The following SLA2 variants were observed in gnomAD, a reference collection of about 807,000 sequenced individuals.
The protein encoded by SLA2 is Src like adaptor 2.
Under a neutral mutation model 27.3 loss-of-function variants are expected in SLA2, and 22 were observed. The observed-to-expected ratio is 0.81, with a 90% confidence interval of 0.58 to 1.15. The LOEUF (loss-of-function observed/expected upper bound fraction) is 1.15. Among genes scored for constraint, SLA2 ranks in the 50% most tolerant of loss-of-function variants. The probability of loss-of-function intolerance (pLI) is 0.00; values close to 1 mark genes in which losing one functional copy is unlikely to be tolerated. For missense variants in SLA2, 304 were observed against 322.2 expected (o/e 0.94, Z 0.43); for synonymous variants, 131 against 137.8 (o/e 0.95, Z 0.34).
At chr20:36,639,792 C>T (rs975843636) in intron 2 of SLA2, among the ~76,000 whole-genome samples, 3 of 150,936 alleles carry the variant, frequency 2.0e-5, no homozygotes, top group Non-Finnish European at 4.4e-5. Flanking sequence ...ACGCAGCAGG[C>T]GGAGCTTGCA....
chr20:36,645,581 A>C (rs529252921), intron 1 of SLA2, among the ~76,000 whole-genome samples: 6 of 152,174 alleles, frequency 3.9e-5, no homozygotes, highest in Non-Finnish European at 8.8e-5. Flanking sequence ...AGATGGGACT[A>C]GGACGGGCGT....
In SLA2 at chr20:36,626,701, G is replaced by A. The variant is rs1022027936; in HGVS notation, c.382+5894C>T. 9.9e-5 allele frequency among the ~76,000 whole-genome samples: 15 copies of A among 151,844 alleles called. No individual in the cohort carries two copies. The South Asian group carries it at 2.5e-3, about 25-fold the overall frequency. On this transcript the variant is annotated intron_variant, in intron 5 of 7. Coordinates refer to ENST00000262866, the MANE Select transcript of SLA2 (RefSeq NM_032214.4). ...TCTCTACTAATACAAAAAATTAGCCGGGTGTGGTGGCAGCCGCCTGTGGTC... is the reference window on the plus strand; with the variant it reads ...TCTCTACTAATACAAAAAATTAGCCAGGTGTGGTGGCAGCCGCCTGTGGTC...
Position 36,615,588 on chromosome 20 carries a change from AGCC to A in SLA2, c.383-217_383-215del, listed in dbSNP as rs1317730287. Among the ~76,000 whole-genome samples, 8 of 152,202 alleles carry A rather than the reference AGCC, an allele frequency of 5.3e-5. No homozygotes were observed. In the East Asian group the frequency reaches 1.5e-3, roughly 29 times the overall value. On this transcript the variant is annotated intron_variant, in intron 5 of 7. Transcript: ENST00000262866. ...GAGGGTGAAATCAAATCACACACAG[AGCC>A]CTCAGTACAGGGTCTGGCACTGTGT...
intron 1 of SLA2, among the ~76,000 whole-genome samples, 176 bp from the exon 2 acceptor site, chr20:36,641,554 G>A (rs1455404723): frequency 2.6e-5 from 4 of 152,096 alleles, no homozygotes; most frequent in South Asian, 4.2e-4. Context: ...CACATTGGAC[G>A]CTGTTTTCTC....
At position 36,625,216 on chromosome 20, in the gene SLA2, A is replaced by ATTTTTTTTT. The variant is rs71186005; in HGVS notation, c.382+7370_382+7378dup. 1.5e-3 allele frequency among the ~76,000 whole-genome samples: 119 copies of ATTTTTTTTT among 78,472 alleles called. 7 individuals carry two copies. The highest frequency in any genetic ancestry group is 6.0e-3 in the African/African-American group (113 of 18,700). 51.5% of individuals were successfully genotyped at this position (78,472 alleles called of 152,430 possible). A position where few individuals can be genotyped will look rare whatever the true frequency, so the allele number is the denominator to read the frequency against. Reference sequence around the variant, plus strand: ...TATTCTCATCAGACCACGTACCCTGATTTTTTTTTTTTTTTTTTTTTTTGA... The same window carrying ATTTTTTTTT: ...TATTCTCATCAGACCACGTACCCTGATTTTTTTTTTTTTTTTTTTTTTTTTTTTTTTTGA... On this transcript the variant is annotated intron_variant, in intron 5 of 7. Transcript: ENST00000262866.
intron 5 of SLA2, among the ~76,000 whole-genome samples, chr20:36,623,266 C>CAAAAAA (rs776399343): frequency 1.9e-5 from 1 of 52,110 alleles, no homozygotes; most frequent in Non-Finnish European, 4.2e-5. Context: ...CATTACATCT[C>CAAAAAA]AAAAAAAAAA....
intron 2 of SLA2, among the ~76,000 whole-genome samples, chr20:36,635,419 A>T (rs536158621): frequency 7.3e-5 from 11 of 149,866 alleles, no homozygotes; most frequent in Non-Finnish European, 1.6e-4. Context: ...TGCCCTTCAG[A>T]TGGAGCTGGG....
chr20:36,643,310 T>C (rs1169277282), intron 1 of SLA2, among the ~76,000 whole-genome samples: 3 of 152,180 alleles, frequency 2.0e-5, no homozygotes, highest in Non-Finnish European at 4.4e-5. Context: ...TCTTTTCAGA[T>C]GGTTTCATTC....
chr20:36,645,769 G>A (rs146852846), intron 1 of SLA2, 68 bp downstream of exon 1: 2 of 152,114 alleles, frequency 1.3e-5, no homozygotes, highest in African/African-American at 4.8e-5. Flanking sequence ...AGTCCCAGTC[G>A]GGGCAGGGGA....
intron 5 of SLA2, chr20:36,621,382 TGTG>T (rs1211006174): frequency 3.4e-6 from 2 of 590,554 alleles, no homozygotes; most frequent in Non-Finnish European, 6.5e-6. Context: ...TGCTTATGGA[TGTG>T]GTGGTGTAAG....
chr20:36,613,802 C>CA lies in SLA2; in HGVS notation c.*63dup. 6.5e-7 allele frequency: 1 copy of CA among 1,529,818 alleles called. No homozygotes were observed. The allele number at this position is 1,529,818 out of a possible 1,614,324, so 94.8% of individuals were successfully genotyped here. On this transcript the variant is annotated 3_prime_UTR_variant, in exon 8 of 8. Transcript: ENST00000262866. ...TGCACAGCCTTGCCTCTGGGGTGCC[C>CA]AGGAGGCTGAATTGGGGTTCTAGGT... is the stretch of plus-strand genomic sequence containing the variant.
intron 5 of SLA2, among the ~76,000 whole-genome samples, chr20:36,619,012 G>T (rs2039247900): frequency 6.6e-6 from 1 of 150,880 alleles, no homozygotes. Flanking sequence ...GATCATTTGA[G>T]GTCGAGAGAT....
intron 2 of SLA2, among the ~76,000 whole-genome samples, chr20:36,635,088 T>C (rs965142724): frequency 1.3e-5 from 2 of 151,886 alleles, no homozygotes; most frequent in African/African-American, 4.8e-5. Context: ...TAAGGCCCAA[T>C]TTCAAGGCTG....
intron 1 of SLA2, among the ~76,000 whole-genome samples, chr20:36,645,532 CAG>C (rs1978287370): frequency 1.3e-5 from 2 of 152,114 alleles, no homozygotes; most frequent in South Asian, 4.1e-4. Flanking sequence ...GACTGCAGCG[CAG>C]AGAGGGGCCC....
intron 1 of SLA2, among the ~76,000 whole-genome samples, chr20:36,644,555 A>T (rs974902533): frequency 6.6e-6 from 1 of 152,228 alleles, no homozygotes; most frequent in South Asian, 2.1e-4. Context: ...CCAAAGGCAG[A>T]TGGAGACAGG....
intron 2 of SLA2, among the ~76,000 whole-genome samples, chr20:36,640,681 T>C (rs1456210333): frequency 6.6e-6 from 1 of 152,024 alleles, no homozygotes. Flanking sequence ...CATGACCGGC[T>C]AATTTTTGTA....
At chr20:36,625,254 C>CTTTTTT (rs1555792349) in intron 5 of SLA2, among the ~76,000 whole-genome samples, 4 of 92,864 alleles carry the variant, frequency 4.3e-5, no homozygotes, top group African/African-American at 1.9e-4. Flanking sequence ...TGGAGTTTTG[C>CTTTTTT]TCTTGTTGCC....
intron 1 of SLA2, among the ~76,000 whole-genome samples, chr20:36,642,030 G>T (rs867796143): frequency 1.4e-5 from 2 of 147,046 alleles, no homozygotes; most frequent in Admixed American, 6.8e-5. Flanking sequence ...TGGGCGTGGT[G>T]GTGTGTACCT....
At position 36,633,569 on chromosome 20, in the gene SLA2, G is replaced by T. The variant is rs759535190; in HGVS notation, c.252C>A (p.Ser84Arg). ...CATGGGAGACTTTGGCCACGTGGAC[G>T]CTGGGGATGTTATACTCTCTGCCTG... is the stretch of plus-strand genomic sequence containing the variant. ...EVSGREYNIP[S>R]VHVAKVSHGW... The change falls in exon 4 of 8, where the codon AGC (serine) becomes AGA (arginine). Residue 84 changes from serine (S) to arginine (R), a missense_variant. Coordinates refer to ENST00000262866, the MANE Select transcript of SLA2 (RefSeq NM_032214.4). 1 of 1,614,128 alleles carries T rather than the reference G, an allele frequency of 6.2e-7. No homozygotes were observed. The highest frequency in any genetic ancestry group is 2.2e-5 in the East Asian group (1 of 44,870).
Sources: allele counts gnomAD v4.1 joint callset (sites outside exome capture counted in the v4.1 genomes callset), GRCh38; gene constraint gnomAD v4.1.1; transcripts MANE v1.5; gene names NCBI Gene and HGNC (gene_info 2026-07-23, HGNC 2026-07-21).